Variants in DMD observed in about 807,000 individuals in gnomAD.
DMD encodes dystrophin.
Under a neutral mutation model 330.1 loss-of-function variants are expected in DMD, and 63 were observed. The observed-to-expected ratio is 0.19, with a 90% confidence interval of 0.16 to 0.24. The LOEUF is 0.24. Among genes scored for constraint, DMD ranks in the 10% least tolerant of loss-of-function variants. The pLI is 1.00. For missense variants in DMD, 3,344 were observed against 2,684.1 expected, an observed-to-expected ratio of 1.25 and a Z score of -5.43; for synonymous variants, 1,223 against 959.8, an observed-to-expected ratio of 1.27 and a Z score of -5.07.
chrX:32,181,192 G>A (rs970371275), intron 44 of DMD, among the ~76,000 whole-genome samples: 1 of 111,783 alleles, frequency 8.9e-6, no homozygotes, highest in African/African-American at 3.3e-5. Flanking sequence ...TTTTATGTAA[G>A]CCATAGTCCT....
intron 1 of DMD, among the ~76,000 whole-genome samples, chrX:33,185,471 C>A (rs1366139665): frequency 9.0e-6 from 1 of 111,271 alleles, no homozygotes; most frequent in African/African-American, 3.3e-5. Flanking sequence ...ATTCACACTC[C>A]CCCAGGGTTC....
At chrX:33,232,565 T>C (rs191585398) in intron 1 of DMD, among the ~76,000 whole-genome samples, 232 of 111,619 alleles carry the variant, frequency 2.1e-3, no homozygotes, top group African/African-American at 7.0e-3. Flanking sequence ...CTTCACTTGG[T>C]TGTAATCATA....
intron 2 of DMD, among the ~76,000 whole-genome samples, chrX:32,902,941 G>A (rs773335299): frequency 9.2e-6 from 1 of 108,632 alleles, no homozygotes; most frequent in African/African-American, 3.4e-5. Flanking sequence ...TGGATCACCC[G>A]AGGTCAGGAG....
At chrX:33,002,143 C>A (rs2093294845) in intron 2 of DMD, among the ~76,000 whole-genome samples, 1 of 110,668 alleles carries the variant, frequency 9.0e-6, no homozygotes. Flanking sequence ...TAGATATATA[C>A]ATCTCTAATC....
Position 33,294,751 on chromosome X carries a change from G to GA in DMD, c.7+44507dup, listed in dbSNP as rs1221345250. Among the ~76,000 whole-genome samples, 21 of 100,727 alleles carry GA rather than the reference G, an allele frequency of 2.1e-4. No homozygotes were observed. The South Asian group carries it at 2.1e-3, about 10-fold the overall frequency. 87.5% of individuals were successfully genotyped at this position (100,727 alleles called of 115,157 possible). The stretch of plus-strand genomic sequence containing the variant: ...CCCAGTTATTTCAGCTTCATTAAGA[G>GA]AAAAAAAAAAGGGAATCAAAGAGTA... On this transcript the variant is annotated intron_variant, in intron 1 of 17. Transcript: ENST00000288447.
At chrX:33,002,850 G>GAAAAAAAAAAAAAAAAA (rs145168802) in intron 2 of DMD, among the ~76,000 whole-genome samples, 14 of 38,732 alleles carry the variant, frequency 3.6e-4, no homozygotes, top group East Asian at 9.1e-4. Context: ...TTTTTTTCTC[G>GAAAAAAAAAAAAAAAAA]AAAAAAAAAA....
chrX:32,033,928 A>C (rs1010716094), intron 44 of DMD, among the ~76,000 whole-genome samples: 1 of 112,000 alleles, frequency 8.9e-6, no homozygotes, highest in Non-Finnish European at 1.9e-5. Flanking sequence ...TATGCAGAAG[A>C]CTATGTGATA....
intron 7 of DMD, among the ~76,000 whole-genome samples, chrX:32,731,378 A>T (rs929520765): frequency 8.9e-5 from 10 of 112,784 alleles, no homozygotes; most frequent in African/African-American, 3.2e-4. Context: ...TAAACAAAGC[A>T]GCTGGGAAGC....
At chrX:32,021,288 G>A in intron 44 of DMD, among the ~76,000 whole-genome samples, 1 of 111,615 alleles carries the variant, frequency 9.0e-6, no homozygotes, top group East Asian at 2.8e-4. Flanking sequence ...TAGAGATGGG[G>A]TGGTTCCCTT....
At chrX:31,126,013 C>T (rs2033608375) in intron 78 of DMD, among the ~76,000 whole-genome samples, 1 of 111,431 alleles carries the variant, frequency 9.0e-6, no homozygotes, top group Admixed American at 9.5e-5. Flanking sequence ...CTTACTCTCT[C>T]ATTGACTCAG....
chrX:32,329,375 T>C (rs1212855020), intron 41 of DMD, among the ~76,000 whole-genome samples: 2 of 111,637 alleles, frequency 1.8e-5, no homozygotes, highest in Non-Finnish European at 3.8e-5. Context: ...CAAGGAAATA[T>C]CCAGAAATAG....
At chrX:33,113,268 G>T (rs2095355100) in intron 1 of DMD, among the ~76,000 whole-genome samples, 1 of 109,468 alleles carries the variant, frequency 9.1e-6, no homozygotes, top group Non-Finnish European at 1.9e-5. Flanking sequence ...TGTTGGCCAG[G>T]CTGGTCTCAA....
rs112355275 is a variant in DMD at position 31,260,234 on chromosome X, C to T, written c.9286+721G>A. On this transcript the variant is annotated intron_variant, in intron 63 of 78. Transcript: ENST00000357033. ...TCCAGCCTGGGAGACAGAGCAAGAC[C>T]CTGTCCCAAAACAAAACCCAAAACA... Among the ~76,000 whole-genome samples the T allele has an allele frequency of 9.1e-3, 1,017 of 111,284 alleles. 6 individuals are homozygous for T. Among genetic ancestry groups the T allele is most frequent in the Non-Finnish European group, 0.012 (659 of 53,053 alleles).
intron 47 of DMD, among the ~76,000 whole-genome samples, chrX:31,916,148 C>A (rs1474614107): frequency 1.8e-5 from 2 of 111,831 alleles, no homozygotes; most frequent in Non-Finnish European, 3.8e-5. Flanking sequence ...GGTGAATCAT[C>A]CTAGCTGCGC....
chrX:33,303,489 G>A (rs1255164263), intron 1 of DMD, among the ~76,000 whole-genome samples: 1 of 111,115 alleles, frequency 9.0e-6, no homozygotes, highest in Non-Finnish European at 1.9e-5. Flanking sequence ...GGGATGGGAA[G>A]AATTACAAAT....
chrX:32,016,311 T>A (rs953514704), intron 44 of DMD, among the ~76,000 whole-genome samples: 1 of 111,558 alleles, frequency 9.0e-6, no homozygotes, highest in Non-Finnish European at 1.9e-5. Context: ...TACTCATCTA[T>A]CACATCTATT....
At chrX:31,227,428 C>T (rs1356781986) in intron 63 of DMD, among the ~76,000 whole-genome samples, 3 of 111,474 alleles carry the variant, frequency 2.7e-5, no homozygotes, top group Non-Finnish European at 5.6e-5. Context: ...TCAGCCTACC[C>T]CCAACCCACT....
At chrX:32,581,387 C>T (rs184245730) in intron 13 of DMD, among the ~76,000 whole-genome samples, 26 of 112,269 alleles carry the variant, frequency 2.3e-4, no homozygotes, top group Non-Finnish European at 4.1e-4. Flanking sequence ...GACTAAGGAT[C>T]ATCAGATCAT....
At chrX:32,101,866 G>T (rs1157816818) in intron 44 of DMD, among the ~76,000 whole-genome samples, 1 of 111,407 alleles carries the variant, frequency 9.0e-6, no homozygotes, top group Non-Finnish European at 1.9e-5. Flanking sequence ...ATTGCATCAT[G>T]AGGGCTCTGC....
Sources: gnomAD v4.1 joint callset for allele counts (sites outside exome capture counted in the v4.1 genomes callset) on GRCh38, gnomAD v4.1.1 for gene constraint, MANE v1.5 for transcripts, NCBI Gene and HGNC (gene_info 2026-07-23, HGNC 2026-07-21) for gene names.